Variants in KLHL18 observed in about 807,000 individuals in gnomAD.
The protein encoded by KLHL18 is kelch like family member 18.
Under a neutral mutation model 58.5 loss-of-function variants are expected in KLHL18, and 38 were observed. The ratio of observed to expected loss-of-function variants is 0.65; its 90% CI spans 0.50 to 0.85. The LOEUF (loss-of-function observed/expected upper bound fraction) is 0.85, where lower values mean the gene tolerates loss of function less well. Among genes scored for constraint, KLHL18 ranks in the 40% least tolerant of loss-of-function variants. The probability of loss-of-function intolerance (pLI) is 0.00; values close to 1 mark genes in which losing one functional copy is unlikely to be tolerated. For synonymous variants in KLHL18, 303 were observed against 301.9 expected (o/e 1.00, Z -0.04); for missense variants, 624 against 778.4 (o/e 0.80, Z 2.36).
In KLHL18 at chr3:47,334,608, GC is replaced by G; in HGVS notation, c.762-73del. ...TTTCCCCTGCAGTTGGCAGTGGAGAGCCAGGCTCAGAGATGCAAACGAGGAC... is the reference window on the plus strand; with the variant it reads ...TTTCCCCTGCAGTTGGCAGTGGAGAGCAGGCTCAGAGATGCAAACGAGGAC... On this transcript the variant is annotated intron_variant, in intron 5 of 9. Coordinates refer to ENST00000232766, the MANE Select transcript of KLHL18 (RefSeq NM_025010.5). This position sits in a 1 kb window ranked among gnomAD's most constrained non-coding sequence, Gnocchi z 4.7. The G allele has an allele frequency of 6.4e-7, 1 of 1,559,124 alleles. No homozygotes were observed. Among genetic ancestry groups the G allele is most frequent in the Non-Finnish European group, 8.8e-7 (1 of 1,138,496 alleles).
intron 1 of KLHL18, among the ~76,000 whole-genome samples, chr3:47,298,784 A>G (rs1168804224): frequency 1.3e-5 from 2 of 152,164 alleles, no homozygotes; most frequent in Non-Finnish European, 2.9e-5. Flanking sequence ...AAACTGTTAT[A>G]TAAATGAAAT....
chr3:47,284,964 G>A (rs1576125024), intron 1 of KLHL18, among the ~76,000 whole-genome samples: 1 of 151,972 alleles, frequency 6.6e-6, no homozygotes, highest in Non-Finnish European at 1.5e-5. Flanking sequence ...GACTACAGGC[G>A]CCCGCCACCA....
At chr3:47,301,375 T>C (rs1703021718) in intron 1 of KLHL18, among the ~76,000 whole-genome samples, 1 of 152,204 alleles carries the variant, frequency 6.6e-6, no homozygotes, top group Non-Finnish European at 1.5e-5. Flanking sequence ...AAATCTTTGG[T>C]CCATTCTGAG....
In KLHL18 at chr3:47,346,743, A is replaced by C. The variant is rs1270249681; in HGVS notation, c.*2802A>C. 1 of 152,676 alleles carries C rather than the reference A, an allele frequency of 6.5e-6. No homozygotes were observed. The highest frequency in any genetic ancestry group is 6.5e-5 in the Admixed American group (1 of 15,284). The allele number at this position is 152,676 out of a possible 1,614,324, so 9.5% of individuals were successfully genotyped here. ...AATTTATGGTTTCCCAGAAAATCTT[A>C]GTTCCTTTTATTTATAGAATGCATG... On this transcript the variant is annotated 3_prime_UTR_variant, in exon 10 of 10. Transcript: ENST00000232766.
At chr3:47,287,774 C>T (rs1702707928) in intron 1 of KLHL18, among the ~76,000 whole-genome samples, 1 of 152,128 alleles carries the variant, frequency 6.6e-6, no homozygotes, top group African/African-American at 2.4e-5. Context: ...CATCAGCCAC[C>T]ACGCCCGGCC....
chr3:47,322,703 A>C lies in KLHL18; in HGVS notation c.396A>C (p.Arg132=). 6.3e-7 allele frequency: 1 copy of C among 1,584,172 alleles called. No homozygotes were observed. Among genetic ancestry groups the C allele is most frequent in the Non-Finnish European group, 8.6e-7 (1 of 1,165,804 alleles). The change falls in exon 3 of 10, where the codon CGA becomes CGC. Residue 132 remains arginine (R), a synonymous_variant. Coordinates refer to ENST00000232766, the MANE Select transcript of KLHL18 (RefSeq NM_025010.5). ...AAGACGCCTGCTGCACATTCCTTCG[A>C]GAACGGTGAGGTGATGTGGTGGGCC... ...SIKDACCTFL[R]ERLHPKNCLG...
Position 47,344,041 on chromosome 3 carries a change from G to A in KLHL18, c.*100G>A. On this transcript the variant is annotated 3_prime_UTR_variant, in exon 10 of 10. Transcript: ENST00000232766. ...GAGAGGCAGTGGACCAGAAGAGATG[G>A]CGAAACGTGAGCTCGCCGGAGGTAC... 6.8e-7 allele frequency: 1 copy of A among 1,479,472 alleles called. No homozygotes were observed. The highest frequency in any genetic ancestry group is 9.1e-7 in the Non-Finnish European group (1 of 1,100,562). The allele number at this position is 1,479,472 out of a possible 1,614,324, so 91.6% of individuals were successfully genotyped here. A position where few individuals can be genotyped will look rare whatever the true frequency, so the allele number is the denominator to read the frequency against.
In KLHL18 at chr3:47,343,933, A is replaced by ATCCTCG; in HGVS notation, c.1717_1718insTCCTCG (p.Thr573delinsIleLeuAla). ...CGGTGTGGGCTGCATCCCTCTCCTC[A>ATCCTCG]CCATCTAAGGCAGAGGATGGGATGT... On this transcript the variant is annotated protein_altering_variant, in exon 10 of 10. Transcript: ENST00000232766. The ATCCTCG allele has an allele frequency of 6.2e-7, 1 of 1,613,272 alleles. No individual in the cohort carries two copies.
At chr3:47,326,354 T>G (rs762528312) in intron 3 of KLHL18, among the ~76,000 whole-genome samples, 11 of 152,186 alleles carry the variant, frequency 7.2e-5, no homozygotes, top group Non-Finnish European at 1.3e-4. Flanking sequence ...GCTTCCTGCC[T>G]CTGATAAAGC....
At chr3:47,305,234 A>G (rs1316931083) in intron 1 of KLHL18, among the ~76,000 whole-genome samples, 1 of 151,538 alleles carries the variant, frequency 6.6e-6, no homozygotes, top group Non-Finnish European at 1.5e-5. Flanking sequence ...CTAGAATACT[A>G]GAAGTTTTTT....
chr3:47,307,596 C>T (rs1016799820), intron 1 of KLHL18, among the ~76,000 whole-genome samples: 1 of 150,218 alleles, frequency 6.7e-6, no homozygotes, highest in African/African-American at 2.5e-5. Flanking sequence ...TGCCATGTTG[C>T]CCATGCCAAT....
At chr3:47,340,735 A>G in intron 8 of KLHL18, 59 bp downstream of exon 8, 1 of 1,595,660 alleles carries the variant, frequency 6.3e-7, no homozygotes, top group East Asian at 2.2e-5. Flanking sequence ...TATAAAAATC[A>G]GAACTGTAGT....
At position 47,311,708 on chromosome 3, in the gene KLHL18, A is replaced by G. The variant is rs1703305365; in HGVS notation, c.130-7945A>G. 2.6e-5 allele frequency among the ~76,000 whole-genome samples: 4 copies of G among 152,272 alleles called. No homozygotes were observed. The South Asian group carries it at 6.2e-4, about 24-fold the overall frequency. On this transcript the variant is annotated intron_variant, in intron 1 of 9. Transcript: ENST00000232766. ...TCTGTCTCAAAACAAACAAACAAAC[A>G]AAACAAGTATAGTAGAGTTACAACA...
intron 1 of KLHL18, among the ~76,000 whole-genome samples, chr3:47,311,053 A>G (rs1304427271): frequency 6.7e-6 from 1 of 149,908 alleles, no homozygotes; most frequent in Non-Finnish European, 1.5e-5. Flanking sequence ...TCTGTCGCCC[A>G]GGCTGGAATG....
chr3:47,294,531 C>T (rs964090702), intron 1 of KLHL18, among the ~76,000 whole-genome samples: 2 of 152,074 alleles, frequency 1.3e-5, no homozygotes, highest in Admixed American at 6.6e-5. Context: ...ACAGTAAGCA[C>T]GGAGCCCTGA....
intron 3 of KLHL18, among the ~76,000 whole-genome samples, chr3:47,328,753 G>A (rs1427471288): frequency 6.6e-6 from 1 of 152,124 alleles, no homozygotes; most frequent in Non-Finnish European, 1.5e-5. Flanking sequence ...TGGAGAATGT[G>A]TATAAAAGGC....
At chr3:47,305,972 T>C (rs1703139253) in intron 1 of KLHL18, among the ~76,000 whole-genome samples, 1 of 152,130 alleles carries the variant, frequency 6.6e-6, no homozygotes, top group African/African-American at 2.4e-5. Flanking sequence ...GATTTGTCTT[T>C]TCTGTCTTTG....
chr3:47,289,552 T>C (rs1053032592), intron 1 of KLHL18, among the ~76,000 whole-genome samples: 33 of 152,208 alleles, frequency 2.2e-4, no homozygotes, highest in Non-Finnish European at 4.1e-4. Flanking sequence ...TGTTGATGCA[T>C]ACCATTTTTA....
At chr3:47,320,193 G>A (rs553228577) in intron 2 of KLHL18, among the ~76,000 whole-genome samples, 53 of 152,298 alleles carry the variant, frequency 3.5e-4, no homozygotes, top group African/African-American at 1.3e-3. Flanking sequence ...GTTGTCCACT[G>A]GAGGTTTCTG....
Sources: allele counts gnomAD v4.1 joint callset (sites outside exome capture counted in the v4.1 genomes callset), GRCh38; gene constraint gnomAD v4.1.1; non-coding constraint Gnocchi (gnomAD v3.1); transcripts MANE v1.5; gene names NCBI Gene and HGNC (gene_info 2026-07-23, HGNC 2026-07-21).